Variants in CFAP92 observed in about 807,000 individuals in gnomAD.
The protein encoded by CFAP92 is uncharacterized protein CFAP92.
A neutral mutation model predicts 106.3 loss-of-function variants in CFAP92; 86 were observed. The ratio of observed to expected loss-of-function variants is 0.81; its 90% confidence interval spans 0.68 to 0.97. The LOEUF is 0.97. CFAP92 is among the 50% of genes least tolerant of loss of function. CFAP92 has a pLI of 0.00. For missense variants in CFAP92, 1,204 were observed against 1,283.8 expected, an observed-to-expected ratio of 0.94 and a Z score of 0.95; for synonymous variants, 477 against 506.4, an observed-to-expected ratio of 0.94 and a Z score of 0.78.
chr3:128,967,437 C>CA (rs1197133655), intron 8 of CFAP92: 1 of 152,236 alleles, frequency 6.6e-6, no homozygotes, highest in African/African-American at 2.4e-5. Flanking sequence ...TACGGTGGCT[C>CA]ACGCCTATAA....
the CFAP92 span, among the ~76,000 whole-genome samples, chr3:129,023,003 G>A: frequency 6.6e-6 from 1 of 152,206 alleles, no homozygotes. Flanking sequence ...ACAGCCTCGG[G>A]TTCAGAGGCA....
At chr3:129,019,326 A>C in the CFAP92 span, among the ~76,000 whole-genome samples, 2 of 152,164 alleles carry the variant, frequency 1.3e-5, no homozygotes, top group African/African-American at 4.8e-5. Context: ...CCCAGCTTTA[A>C]GTTTGTCCTG....
In CFAP92 at chr3:128,932,749, C is replaced by T. The variant is rs1215688004; in HGVS notation, c.2702G>A (p.Arg901Gln). 2.7e-5 allele frequency: 42 copies of T among 1,535,616 alleles called. No individual in the cohort carries two copies. Among genetic ancestry groups the T allele is most frequent in the Middle Eastern group, 3.5e-4 (2 of 5,658 alleles). ...HAHQEKYLQWRSAMLMKNKDK... is the reference protein window; with the variant it reads ...HAHQEKYLQWQSAMLMKNKDK... ...TTTGTTCTTCATAAGCATGGCACTCCGCCACTGCAGGTACTTCTCCTGGTG... is the reference window on the plus strand; with the variant it reads ...TTTGTTCTTCATAAGCATGGCACTCTGCCACTGCAGGTACTTCTCCTGGTG... The change falls in exon 12 of 16, where the codon CGG (arginine) becomes CAG (glutamine). Residue 901 changes from arginine to glutamine, a missense_variant. By Grantham distance (43) the Arg-to-Gln change is conservative. Transcript: ENST00000645291.
chr3:129,009,943 T>C, the CFAP92 span, among the ~76,000 whole-genome samples: 3 of 152,218 alleles, frequency 2.0e-5, no homozygotes, highest in Non-Finnish European at 2.9e-5. Context: ...AAAAAGATTG[T>C]TATCCCCAGG....
chr3:128,971,013 C>T (rs1942751445), intron 8 of CFAP92: 1 of 517,526 alleles, frequency 1.9e-6, no homozygotes, highest in South Asian at 2.9e-5. Context: ...ATTTAATATT[C>T]CCATAGGCTT....
chr3:128,948,377 C>CGTTT (rs756520909), intron 9 of CFAP92, among the ~76,000 whole-genome samples: 9 of 79,708 alleles, frequency 1.1e-4, no homozygotes, highest in African/African-American at 3.4e-4. Flanking sequence ...CTTTTCTTTC[C>CGTTT]TTTTTTTTTT....
chr3:128,991,892 A>C (rs182044092), intron 2 of CFAP92: 43 of 986,256 alleles, frequency 4.4e-5, no homozygotes, highest in Non-Finnish European at 5.2e-5. Context: ...GTGAAGTACT[A>C]CTTGTCTCCT....
chr3:128,932,432 G>A (rs1938504409), intron 12 of CFAP92, among the ~76,000 whole-genome samples: 1 of 149,016 alleles, frequency 6.7e-6, no homozygotes, highest in Non-Finnish European at 1.5e-5. Context: ...AACTCTGGGA[G>A]CCATGGTAAA....
At chr3:128,952,303 T>A (rs789223) in intron 9 of CFAP92, among the ~76,000 whole-genome samples, 90,556 of 150,876 alleles carry the variant, frequency 0.6, 29,691 homozygotes, top group African/African-American at 0.88. Context: ...CTAATTAAAA[T>A]AAAAATTAAG....
chr3:129,005,684 A>T (rs1159523057), upstream of CFAP92, among the ~76,000 whole-genome samples: 4 of 152,246 alleles, frequency 2.6e-5, no homozygotes, highest in Admixed American at 2.0e-4. Flanking sequence ...GGGGTGGAGC[A>T]GCCAGAAGGG....
chr3:128,950,868 A>G (rs1021122290), intron 9 of CFAP92, among the ~76,000 whole-genome samples: 56 of 152,256 alleles, frequency 3.7e-4, no homozygotes, highest in African/African-American at 1.3e-3. Context: ...CACAAACGAT[A>G]CTGTTTGCAA....
rs1936734329 is a variant in CFAP92, at chr3:128,915,469, T to A, written c.3011A>T (p.Lys1004Ile). The A allele has an allele frequency of 6.5e-7, 1 of 1,533,378 alleles. No homozygotes were observed. Among genetic ancestry groups the A allele is most frequent in the East Asian group, 2.4e-5 (1 of 40,908 alleles). The allele number at this position is 1,533,378 out of a possible 1,614,324, so 95.0% of individuals were successfully genotyped here. ...GGCTGTGAGCCAGGCCTGGCGGGAT[T>A]TCTTCTGGGCTTTCTTCTCCTCTTC... ...LKEEEKKAQKKSRQAWLTARG... is the reference protein window; with the variant it reads ...LKEEEKKAQKISRQAWLTARG... The change falls in exon 14 of 16, where the codon AAA (lysine) becomes ATA (isoleucine). Residue 1004 changes from lysine to isoleucine, a missense_variant. Coordinates refer to ENST00000645291, the MANE Select transcript of CFAP92 (RefSeq NM_001394090.1).
At chr3:128,947,827 T>G (rs952962480) in intron 9 of CFAP92, among the ~76,000 whole-genome samples, 2 of 151,604 alleles carry the variant, frequency 1.3e-5, no homozygotes, top group African/African-American at 4.9e-5. Context: ...ACAAATGAGA[T>G]TCTGTCTCAA....
the CFAP92 span, among the ~76,000 whole-genome samples, chr3:129,022,050 A>C: frequency 6.6e-6 from 1 of 152,206 alleles, no homozygotes; most frequent in African/African-American, 2.4e-5. Flanking sequence ...CTCTCACAGC[A>C]CCCAGAACTC....
upstream of CFAP92, among the ~76,000 whole-genome samples, chr3:128,996,996 C>G (rs993379572): frequency 6.6e-6 from 1 of 152,226 alleles, no homozygotes; most frequent in African/African-American, 2.4e-5. Context: ...GGGACCTAGG[C>G]GTGGAACCAG....
At chr3:128,984,010 G>A (rs996481680) in intron 4 of CFAP92, among the ~76,000 whole-genome samples, 1 of 152,168 alleles carries the variant, frequency 6.6e-6, no homozygotes, top group African/African-American at 2.4e-5. Context: ...AGGGCAGGAG[G>A]GAAAAGACAG....
At chr3:128,911,384 G>C (rs562387789) in intron 15 of CFAP92, among the ~76,000 whole-genome samples, 2 of 152,216 alleles carry the variant, frequency 1.3e-5, no homozygotes, top group Non-Finnish European at 2.9e-5. Flanking sequence ...GATTGAGCAA[G>C]TGCAGAGCCC....
chr3:128,939,832 G>A (rs1939452861), intron 10 of CFAP92, among the ~76,000 whole-genome samples: 1 of 152,184 alleles, frequency 6.6e-6, no homozygotes, highest in South Asian at 2.1e-4. Context: ...CGCATGCACA[G>A]TTCACAAAAG....
the CFAP92 span, among the ~76,000 whole-genome samples, chr3:129,018,707 C>CT: frequency 6.6e-6 from 1 of 152,244 alleles, no homozygotes; most frequent in Non-Finnish European, 1.5e-5. Flanking sequence ...TCTCTCACCT[C>CT]TTGTTCCCAC....
Sources: allele counts gnomAD v4.1 joint callset (sites outside exome capture counted in the v4.1 genomes callset), GRCh38; gene constraint gnomAD v4.1.1; transcripts MANE v1.5; gene names NCBI Gene and HGNC (gene_info 2026-07-23, HGNC 2026-07-21).